DYM: variants seen among roughly 807,000 people sequenced by gnomAD.
DYM encodes the protein dymeclin.
Under a neutral mutation model 93.1 loss-of-function variants are expected in DYM, and 78 were observed. The ratio of observed to expected loss-of-function variants is 0.84; its 90% CI spans 0.70 to 1.01. DYM has a LOEUF of 1.01. DYM is among the 50% of genes least tolerant of loss of function. The pLI is 0.00. For synonymous variants in DYM, 321 were observed against 319.7 expected (o/e 1.00, Z -0.04); for missense variants, 789 against 845.0 (o/e 0.93, Z 0.82).
intron 13 of DYM, among the ~76,000 whole-genome samples, chr18:49,215,071 T>C (rs1183911186): frequency 1.3e-5 from 2 of 152,248 alleles, no homozygotes; most frequent in Non-Finnish European, 2.9e-5. Context: ...GATATGTAAA[T>C]TCTAACAATT....
At chr18:49,046,982 C>T (rs949640919) in intron 17 of DYM, among the ~76,000 whole-genome samples, 1 of 152,132 alleles carries the variant, frequency 6.6e-6, no homozygotes, top group Non-Finnish European at 1.5e-5. Context: ...TTCAGAGTTC[C>T]AGAATGATCA....
chr18:49,388,573 C>T (rs1313162134), intron 3 of DYM, among the ~76,000 whole-genome samples: 1 of 150,942 alleles, frequency 6.6e-6, no homozygotes, highest in African/African-American at 2.5e-5. Context: ...AAGAATTTTC[C>T]AATACTGATA....
At chr18:49,415,409 TG>T (rs1285624419) in intron 2 of DYM, among the ~76,000 whole-genome samples, 3 of 150,484 alleles carry the variant, frequency 2.0e-5, no homozygotes, top group Non-Finnish European at 4.4e-5. Context: ...AAGTTACTCT[TG>T]GTTGTTATTA....
intron 10 of DYM, among the ~76,000 whole-genome samples, chr18:49,275,074 ACCC>A (rs1315132812): frequency 6.6e-6 from 1 of 152,092 alleles, no homozygotes; most frequent in Non-Finnish European, 1.5e-5. Context: ...ATGAAGATTT[ACCC>A]CCATTTCTTC....
chr18:49,106,497 G>A (rs982663043), intron 16 of DYM, among the ~76,000 whole-genome samples: 10 of 152,170 alleles, frequency 6.6e-5, no homozygotes, highest in Non-Finnish European at 2.9e-5. Flanking sequence ...TTTCTTCCCA[G>A]CCTCAATGGT....
At chr18:49,157,651 T>G (rs890637203) in intron 15 of DYM, among the ~76,000 whole-genome samples, 3 of 152,244 alleles carry the variant, frequency 2.0e-5, no homozygotes, top group African/African-American at 7.2e-5. Context: ...TCTTCACATA[T>G]TATAGATACT....
intron 8 of DYM, among the ~76,000 whole-genome samples, chr18:49,310,805 G>C (rs1458341910): frequency 6.6e-6 from 1 of 152,094 alleles, no homozygotes; most frequent in Non-Finnish European, 1.5e-5. Flanking sequence ...AAGCCAAAAA[G>C]AAGGTAAAGC....
At chr18:49,358,037 A>T (rs1053646749) in intron 6 of DYM, among the ~76,000 whole-genome samples, 3 of 152,060 alleles carry the variant, frequency 2.0e-5, no homozygotes, top group Non-Finnish European at 4.4e-5. Context: ...GTGGCCCCAG[A>T]TACTCAAGAG....
chr18:49,376,719 AC>A (rs1304950486), intron 5 of DYM, among the ~76,000 whole-genome samples: 1 of 152,216 alleles, frequency 6.6e-6, no homozygotes, highest in African/African-American at 2.4e-5. Context: ...TTGGACATGA[AC>A]CTGCCAAATG....
intron 14 of DYM, among the ~76,000 whole-genome samples, chr18:49,165,484 A>G (rs2087747554): frequency 1.3e-5 from 2 of 152,104 alleles, no homozygotes; most frequent in African/African-American, 4.8e-5. Context: ...TTAAATATCA[A>G]TTTAGGAAAA....
intron 14 of DYM, among the ~76,000 whole-genome samples, chr18:49,209,201 G>A (rs1350336052): frequency 6.6e-6 from 1 of 152,148 alleles, no homozygotes; most frequent in African/African-American, 2.4e-5. Flanking sequence ...AGAACTCAAA[G>A]GTCATAGTAA....
intron 8 of DYM, among the ~76,000 whole-genome samples, chr18:49,289,778 T>C (rs7243749): frequency 1.7e-3 from 94 of 55,900 alleles, no homozygotes; most frequent in African/African-American, 4.2e-3. Context: ...TATATACACA[T>C]ATATATATAT....
intron 17 of DYM, 37 bp downstream of exon 17, chr18:49,097,365 C>T (rs767368342): frequency 2.2e-5 from 35 of 1,577,276 alleles, no homozygotes; most frequent in Admixed American, 5.0e-5. Context: ...TCAAGGGACA[C>T]GGCAGTGTCA....
chr18:49,236,589 T>C (rs537713992), intron 13 of DYM, among the ~76,000 whole-genome samples: 1 of 152,176 alleles, frequency 6.6e-6, no homozygotes, highest in Non-Finnish European at 1.5e-5. Context: ...AACTAATATA[T>C]GGAAAGAAGA....
chr18:49,414,645 T>A (rs1264507220), intron 2 of DYM, among the ~76,000 whole-genome samples: 2 of 152,192 alleles, frequency 1.3e-5, no homozygotes, highest in African/African-American at 4.8e-5. Flanking sequence ...GCTGCCCCTC[T>A]ACCTGGAATA....
At chr18:49,309,663 C>A (rs540738342) in intron 8 of DYM, among the ~76,000 whole-genome samples, 1 of 152,264 alleles carries the variant, frequency 6.6e-6, no homozygotes, top group African/African-American at 2.4e-5. Flanking sequence ...TTAAATCTAA[C>A]TTTGTAATGT....
chr18:49,073,844 C>T (rs1486171687), intron 17 of DYM, among the ~76,000 whole-genome samples: 1 of 152,062 alleles, frequency 6.6e-6, no homozygotes, highest in South Asian at 2.1e-4. Flanking sequence ...TTTTTGACTT[C>T]AATTTTGGAT....
At chr18:49,390,838 TCA>T (rs1382606003) in intron 3 of DYM, 1 of 152,468 alleles carries the variant, frequency 6.6e-6, no homozygotes, top group South Asian at 2.1e-4. Context: ...AATATTGTTC[TCA>T]CTTATTACAT....
chr18:49,157,658 TAC>T (rs1261483654), intron 15 of DYM, among the ~76,000 whole-genome samples: 1 of 152,266 alleles, frequency 6.6e-6, no homozygotes, highest in Non-Finnish European at 1.5e-5. Flanking sequence ...ATATTATAGA[TAC>T]TAGTCCCTTA....
Sources: allele counts gnomAD v4.1 joint callset (sites outside exome capture counted in the v4.1 genomes callset), GRCh38; gene constraint gnomAD v4.1.1; transcripts MANE v1.5; gene names NCBI Gene and HGNC (gene_info 2026-07-23, HGNC 2026-07-21).